The following MALL variants were observed in gnomAD, a reference collection of about 807,000 sequenced individuals.
MALL encodes the protein mal, T cell differentiation protein like, also known as MAL-like protein.
In MALL, 2 loss-of-function variants were observed where a neutral mutation model predicts 10.3. The observed-to-expected ratio is 0.19, with a 90% CI of 0.08 to 0.61. The LOEUF is 0.61. Among genes scored for constraint, MALL ranks in the 20% least tolerant of loss-of-function variants. The pLI is 0.88. For missense variants in MALL, 39 were observed against 115.2 expected (o/e 0.34, Z 3.03); for synonymous variants, 27 against 51.8 (o/e 0.52, Z 2.05).
At chr2:110,114,350 G>A (rs1029041631) in intron 1 of MALL, among the ~76,000 whole-genome samples, 3 of 151,992 alleles carry the variant, frequency 2.0e-5, no homozygotes, top group African/African-American at 2.4e-5. Flanking sequence ...AAACCACCAG[G>A]AGGCAGTGCC....
chr2:110,100,619 G>T (rs547571579), intron 1 of MALL, among the ~76,000 whole-genome samples: 1 of 152,156 alleles, frequency 6.6e-6, no homozygotes, highest in African/African-American at 2.4e-5. Context: ...GGTTGCGATG[G>T]AAATCTCTCC....
intron 1 of MALL, among the ~76,000 whole-genome samples, chr2:110,101,272 G>T (rs1212281391): frequency 6.6e-6 from 1 of 152,158 alleles, no homozygotes; most frequent in African/African-American, 2.4e-5. Flanking sequence ...CACCCCAAGA[G>T]CACCCTGAAA....
At chr2:110,100,936 G>A (rs3749040) in intron 1 of MALL, among the ~76,000 whole-genome samples, 8,752 of 152,142 alleles carry the variant, frequency 0.058, 381 homozygotes, top group East Asian at 0.13. Context: ...CCCTGTATCC[G>A]AGCTAGGGTC....
upstream of MALL, chr2:110,115,872 C>G: frequency 3.8e-6 from 2 of 524,538 alleles, no homozygotes; most frequent in Non-Finnish European, 5.9e-6. Flanking sequence ...CCGACACACC[C>G]ATCGGACGTC....
rs1574035129 is a variant in MALL at position 110,106,060 on chromosome 2, A to T, written c.105+9628T>A. ...TGAGTTAAGCAGCTGAAAGGAAAAC[A>T]TCTAACATCAAACAAAGAGTTTGCA... On this transcript the variant is annotated intron_variant, in intron 1 of 3. Coordinates refer to ENST00000272462, the MANE Select transcript of MALL (RefSeq NM_005434.5). Among the ~76,000 whole-genome samples the T allele has an allele frequency of 4.6e-5, 7 of 152,176 alleles. No homozygotes were observed. The South Asian group carries it at 1.2e-3, about 27-fold the overall frequency.
intron 1 of MALL, among the ~76,000 whole-genome samples, chr2:110,095,640 C>G (rs529907219): frequency 6.6e-6 from 1 of 150,774 alleles, no homozygotes; most frequent in East Asian, 1.9e-4. Context: ...TTAAATTTAA[C>G]GATGTAGTGT....
chr2:110,101,908 C>T (rs959860973), intron 1 of MALL, among the ~76,000 whole-genome samples: 1 of 152,112 alleles, frequency 6.6e-6, no homozygotes, highest in African/African-American at 2.4e-5. Context: ...TACCTGTGTA[C>T]CTTAGAAAAG....
In MALL at chr2:110,099,508, T is replaced by C. The variant is rs538564079; in HGVS notation, c.106-7738A>G. Among the ~76,000 whole-genome samples the C allele has an allele frequency of 5.9e-5, 9 of 152,312 alleles. No individual in the cohort carries two copies. In the South Asian group the frequency reaches 1.9e-3, roughly 32 times the overall value. On this transcript the variant is annotated intron_variant, in intron 1 of 3. Coordinates refer to ENST00000272462, the MANE Select transcript of MALL (RefSeq NM_005434.5). Reference sequence around the variant, plus strand: ...TCAATTAGGCCCTAGTCAGGGTATGTAGAGTGTTCTAGCTTTTTCCTGTTA... The same window carrying C: ...TCAATTAGGCCCTAGTCAGGGTATGCAGAGTGTTCTAGCTTTTTCCTGTTA...
At chr2:110,111,975 T>C (rs931591259) in intron 1 of MALL, among the ~76,000 whole-genome samples, 1 of 151,944 alleles carries the variant, frequency 6.6e-6, no homozygotes, top group Non-Finnish European at 1.5e-5. Flanking sequence ...AAAAACATAA[T>C]GTGGGGAAAG....
chr2:110,091,841 C>T (rs1678377189), intron 1 of MALL, 71 bp from the exon 2 acceptor site: 1 of 1,486,282 alleles, frequency 6.7e-7, no homozygotes, highest in Non-Finnish European at 8.9e-7. Flanking sequence ...TGCAGGGTGT[C>T]TCTTTTCTGT....
rs139009250 is a variant in MALL, at chr2:110,110,987, A to G, written c.105+4701T>C. Among the ~76,000 whole-genome samples the G allele has an allele frequency of 6.7e-3, 1,013 of 152,290 alleles. 10 individuals carry two copies. The highest frequency in any genetic ancestry group is 0.023 in the African/African-American group (953 of 41,554). On this transcript the variant is annotated intron_variant, in intron 1 of 3. Coordinates refer to ENST00000272462, the MANE Select transcript of MALL (RefSeq NM_005434.5). ...AAAAATCACATGATCATTTCAATAG[A>G]TGCAGAAAAAACATTTGAAAAAATC...
chr2:110,102,065 A>G (rs1442957553), intron 1 of MALL, among the ~76,000 whole-genome samples: 1 of 151,970 alleles, frequency 6.6e-6, no homozygotes, highest in Non-Finnish European at 1.5e-5. Context: ...GTTCCTGCCC[A>G]TGTTCCCCAA....
At chr2:110,113,697 A>C (rs1156242543) in intron 1 of MALL, among the ~76,000 whole-genome samples, 1 of 152,144 alleles carries the variant, frequency 6.6e-6, no homozygotes, top group African/African-American at 2.4e-5. Context: ...ACGGCAACTA[A>C]GTGCCATGTG....
chr2:110,105,390 G>A (rs768545582), intron 1 of MALL, among the ~76,000 whole-genome samples: 11 of 152,222 alleles, frequency 7.2e-5, no homozygotes, highest in South Asian at 2.1e-4. Context: ...ATGTTCTCCC[G>A]TCCTTGTTTT....
At chr2:110,117,810 A>G (rs1200358249), upstream of MALL, among the ~76,000 whole-genome samples, 1 of 152,030 alleles carries the variant, frequency 6.6e-6, no homozygotes, top group Non-Finnish European at 1.5e-5. Context: ...GGGGCTAAGG[A>G]AGGAAAGAAT....
chr2:110,095,227 A>ATTTCCTGG (rs1678416435), intron 1 of MALL, among the ~76,000 whole-genome samples: 1 of 152,134 alleles, frequency 6.6e-6, no homozygotes, highest in Non-Finnish European at 1.5e-5. Flanking sequence ...GGCTTTCCAA[A>ATTTCCTGG]TTTCCTGGTG....
chr2:110,100,069 C>A (rs1205259047), intron 1 of MALL, among the ~76,000 whole-genome samples: 1 of 152,206 alleles, frequency 6.6e-6, no homozygotes, highest in African/African-American at 2.4e-5. Context: ...CCACCCTCAC[C>A]TTTATGCTGG....
At chr2:110,115,854 C>T (rs899387622), upstream of MALL, 7 of 707,842 alleles carry the variant, frequency 9.9e-6, no homozygotes, top group East Asian at 2.4e-4. Flanking sequence ...TCAAATATCA[C>T]CTCCTGCCCG....
At chr2:110,116,003 G>C (rs1678913001), upstream of MALL, 2 of 390,130 alleles carry the variant, frequency 5.1e-6, no homozygotes, top group Admixed American at 8.9e-5. Context: ...CCGGCGGGGG[G>C]CACAGCGCTG....
Sources: gnomAD v4.1 joint callset for allele counts (sites outside exome capture counted in the v4.1 genomes callset) on GRCh38, gnomAD v4.1.1 for gene constraint, MANE v1.5 for transcripts, NCBI Gene and HGNC (gene_info 2026-07-23, HGNC 2026-07-21) for gene names.